The following ARFGEF3 variants were observed in gnomAD, a reference collection of about 807,000 sequenced individuals.
The protein encoded by ARFGEF3 is ARFGEF family member 3, also known as brefeldin A-inhibited guanine nucleotide-exchange protein 3.
Under a neutral mutation model 221.7 loss-of-function variants are expected in ARFGEF3, and 96 were observed. The observed-to-expected ratio is 0.43, with a 90% CI of 0.37 to 0.51. The LOEUF is 0.51. Among genes scored for constraint, ARFGEF3 ranks in the 20% least tolerant of loss-of-function variants. The pLI is 0.00. For synonymous variants in ARFGEF3, 1,145 were observed against 1,126.8 expected (o/e 1.02, Z -0.32); for missense variants, 2,410 against 2,789.9 (o/e 0.86, Z 3.07).
intron 2 of ARFGEF3, among the ~76,000 whole-genome samples, chr6:138,197,062 A>T (rs1777440915): frequency 6.6e-6 from 1 of 151,966 alleles, no homozygotes; most frequent in Admixed American, 6.6e-5. Flanking sequence ...CAAACTCCTG[A>T]CCTCAGGTGA....
intron 28 of ARFGEF3, among the ~76,000 whole-genome samples, chr6:138,320,747 G>A (rs76394646): frequency 0.031 from 4,647 of 152,298 alleles, 219 homozygotes; most frequent in African/African-American, 0.11. Context: ...TTTTCCACAT[G>A]TAGGTGGTAA....
At chr6:138,199,365 T>C (rs765515011) in intron 2 of ARFGEF3, among the ~76,000 whole-genome samples, 3 of 152,208 alleles carry the variant, frequency 2.0e-5, no homozygotes, top group Non-Finnish European at 2.9e-5. Context: ...AATTTTAGAG[T>C]ATAAGCAGAC....
At position 138,323,768 on chromosome 6, in the gene ARFGEF3, G is replaced by A; in HGVS notation, c.4864G>A (p.Val1622Met). Residue 1622 changes from valine (V) to methionine (M), a missense_variant, in exon 30 of 34, where the codon GTG (valine) becomes ATG (methionine). Physicochemically the swap from Val to Met is conservative, Grantham distance 21. Coordinates refer to ENST00000251691, the MANE Select transcript of ARFGEF3 (RefSeq NM_020340.5). Reference sequence around the variant, plus strand: ...TGCGTTCTCTGCCACACTCAAGCCAGTGAAGGTACATCACTGGGAGGAAGC... The same window carrying A: ...TGCGTTCTCTGCCACACTCAAGCCAATGAAGGTACATCACTGGGAGGAAGC... Reference protein sequence around the residue: ...QDAFSATLKPVKDLLGCFHSG... With the variant: ...QDAFSATLKPMKDLLGCFHSG... 1.2e-6 allele frequency: 2 copies of A among 1,613,932 alleles called. No homozygotes were observed. Among genetic ancestry groups the A allele is most frequent in the African/African-American group, 2.7e-5 (2 of 75,060 alleles).
intron 4 of ARFGEF3, among the ~76,000 whole-genome samples, chr6:138,214,121 G>A (rs9376334): frequency 0.11 from 16,904 of 151,996 alleles, 1,279 homozygotes; most frequent in East Asian, 0.36. Flanking sequence ...CTTATAATTC[G>A]GTAATACTTG....
chr6:138,280,268 A>G, intron 14 of ARFGEF3, 104 bp downstream of exon 14: 1 of 1,097,312 alleles, frequency 9.1e-7, no homozygotes, highest in African/African-American at 1.6e-5. Flanking sequence ...AGACTTTGAA[A>G]CAGCACCCAC....
chr6:138,170,698 C>T lies in ARFGEF3; in HGVS notation c.122C>T (p.Pro41Leu). The T allele has an allele frequency of 6.3e-7, 1 of 1,584,568 alleles. No individual in the cohort carries two copies. Among genetic ancestry groups the T allele is most frequent in the Non-Finnish European group, 8.7e-7 (1 of 1,153,534 alleles). ...GGTCTGGATACCATTGTCAAGATCCCTCCACATGTACTGAGGTAGGAGATG... is the reference window on the plus strand; with the variant it reads ...GGTCTGGATACCATTGTCAAGATCCTTCCACATGTACTGAGGTAGGAGATG... ...LGGLDTIVKI[P>L]PHVLREKCLL... The change falls in exon 2 of 34, where the codon CCT becomes CTT. Residue 41 changes from proline (P) to leucine (L), a missense_variant. By Grantham distance (98) the Pro-to-Leu change is moderately conservative. This residue lies in a region of ARFGEF3 where 570 missense variants were observed against 586.9 expected (regional missense o/e 0.97). Coordinates refer to ENST00000251691, the MANE Select transcript of ARFGEF3 (RefSeq NM_020340.5).
chr6:138,177,315 C>T (rs1776973622), intron 2 of ARFGEF3, among the ~76,000 whole-genome samples: 1 of 151,978 alleles, frequency 6.6e-6, no homozygotes, highest in Admixed American at 6.6e-5. Flanking sequence ...GATTGGGTTT[C>T]ATCATGTTGC....
chr6:138,187,003 C>T (rs181155403), intron 2 of ARFGEF3, among the ~76,000 whole-genome samples: 2 of 150,158 alleles, frequency 1.3e-5, no homozygotes, highest in East Asian at 3.9e-4. Context: ...GCAACCTCCA[C>T]CTCCTGGGTT....
intron 3 of ARFGEF3, among the ~76,000 whole-genome samples, 153 bp downstream of exon 3, chr6:138,207,276 T>C (rs7753262): frequency 0.028 from 4,232 of 152,290 alleles, 221 homozygotes; most frequent in African/African-American, 0.098. Context: ...AATAACAGGA[T>C]TTTCTTATAT....
chr6:138,215,534 G>C (rs1777825073), intron 4 of ARFGEF3, among the ~76,000 whole-genome samples: 1 of 152,182 alleles, frequency 6.6e-6, no homozygotes, highest in East Asian at 1.9e-4. Context: ...CACACAGCTA[G>C]TGAAATGACC....
At position 138,286,804 on chromosome 6, in the gene ARFGEF3, G is replaced by A; in HGVS notation, c.2673G>A (p.Leu891=). ...TGRMAGSSKG[L]AFILGAEGIK... The stretch of plus-strand genomic sequence containing the variant: ...GAATGGCGGGGAGCTCCAAAGGGCT[G>A]GCCTTCATTCTGGGAGCTGAAGGCA... Residue 891 remains leucine, a synonymous_variant, in exon 16 of 34, where the codon CTG becomes CTA. Transcript: ENST00000251691. 6.2e-7 allele frequency: 1 copy of A among 1,614,056 alleles called. No individual in the cohort carries two copies. Among genetic ancestry groups the A allele is most frequent in the Non-Finnish European group, 8.5e-7 (1 of 1,179,898 alleles).
chr6:138,300,807 T>C (rs1159307712), intron 22 of ARFGEF3, among the ~76,000 whole-genome samples: 2 of 152,182 alleles, frequency 1.3e-5, no homozygotes, highest in Non-Finnish European at 2.9e-5. Flanking sequence ...AGGTGAACCT[T>C]AAATAGATTA....
At chr6:138,270,964 G>A (rs1369690522) in intron 12 of ARFGEF3, among the ~76,000 whole-genome samples, 1 of 152,216 alleles carries the variant, frequency 6.6e-6, no homozygotes, top group Non-Finnish European at 1.5e-5. Context: ...GGAAGCCACA[G>A]ACTCCAAGCC....
chr6:138,286,092 C>T (rs1219600071), intron 15 of ARFGEF3, 39 bp downstream of exon 15: 1 of 1,115,798 alleles, frequency 9.0e-7, no homozygotes, highest in East Asian at 2.3e-5. Context: ...CATCCATACA[C>T]TGCATGTGTT....
At position 138,206,406 on chromosome 6, in the gene ARFGEF3, G is replaced by A. The variant is rs148960877; in HGVS notation, c.138-636G>A. On this transcript the variant is annotated intron_variant, in intron 2 of 33. Transcript: ENST00000251691. ...ATGTTGCATCTAGGCACCTCTTATC[G>A]GCCAATGCTATTGATGGTTCATTTG... Among the ~76,000 whole-genome samples the A allele has an allele frequency of 2.5e-4, 36 of 142,882 alleles. No homozygotes were observed. The East Asian group carries it at 5.7e-3, about 23-fold the overall frequency. The allele number at this position is 142,882 out of a possible 152,430, so 93.7% of individuals were successfully genotyped here. A position where few individuals can be genotyped will look rare whatever the true frequency, so the allele number is the denominator to read the frequency against.
chr6:138,246,783 G>T (rs1778492910), intron 8 of ARFGEF3, among the ~76,000 whole-genome samples: 4 of 152,118 alleles, frequency 2.6e-5, no homozygotes. Context: ...GTACAACTTG[G>T]GGATTATAGT....
intron 4 of ARFGEF3, among the ~76,000 whole-genome samples, chr6:138,220,717 G>A (rs1364002339): frequency 1.3e-5 from 2 of 152,140 alleles, no homozygotes; most frequent in South Asian, 2.1e-4. Flanking sequence ...GAAGGACATC[G>A]ACTCAGCCCT....
intron 2 of ARFGEF3, among the ~76,000 whole-genome samples, chr6:138,195,755 T>C (rs1387986642): frequency 1.3e-5 from 2 of 152,190 alleles, no homozygotes; most frequent in Admixed American, 1.3e-4. Flanking sequence ...GTTCAAGGCA[T>C]ACCAATATTT....
At chr6:138,187,998 C>T (rs1344415324) in intron 2 of ARFGEF3, among the ~76,000 whole-genome samples, 2 of 152,074 alleles carry the variant, frequency 1.3e-5, no homozygotes, top group East Asian at 1.9e-4. Context: ...GAGCTAAAGG[C>T]GACTACATGA....
Sources: gnomAD v4.1 joint callset for allele counts (sites outside exome capture counted in the v4.1 genomes callset) on GRCh38, gnomAD v4.1.1 for gene constraint, gnomAD v4.1.1 regional missense constraint, MANE v1.5 for transcripts, NCBI Gene and HGNC (gene_info 2026-07-23, HGNC 2026-07-21) for gene names.